Variants in ABCA3 observed in about 807,000 individuals in gnomAD.
The protein encoded by ABCA3 is phospholipid-transporting ATPase ABCA3.
Under a neutral mutation model 172.8 loss-of-function variants are expected in ABCA3, and 88 were observed. The ratio of observed to expected loss-of-function variants is 0.51; its 90% CI spans 0.43 to 0.61. The LOEUF is 0.61. ABCA3 is among the 20% of genes least tolerant of loss of function. The probability of loss-of-function intolerance (pLI) is 0.00; values close to 1 mark genes in which losing one functional copy is unlikely to be tolerated. For synonymous variants in ABCA3, 1,066 were observed against 983.8 expected, an observed-to-expected ratio of 1.08 and a Z score of -1.56; for missense variants, 2,164 against 2,301.0, an observed-to-expected ratio of 0.94 and a Z score of 1.22.
intron 8 of ABCA3, among the ~76,000 whole-genome samples, chr16:2,319,243 C>G (rs1049310368): frequency 6.6e-6 from 1 of 152,010 alleles, no homozygotes; most frequent in Non-Finnish European, 1.5e-5. Context: ...CCCAGCACTT[C>G]TGGAGGCCGA....
Position 2,284,996 on chromosome 16 carries a change from C to T in ABCA3, c.3486G>A (p.Val1162=). The T allele has an allele frequency of 6.2e-7, 1 of 1,612,532 alleles. No individual in the cohort carries two copies. The highest frequency in any genetic ancestry group is 8.5e-7 in the Non-Finnish European group (1 of 1,179,752). The change falls in exon 24 of 33, where the codon GTG becomes GTA. Residue 1162 remains valine, a splice_region_variant and synonymous_variant. Coordinates refer to ENST00000301732, the MANE Select transcript of ABCA3 (RefSeq NM_001089.3). This position sits in a 1 kb window ranked among gnomAD's most constrained non-coding sequence, Gnocchi z 5.9. ...SFLIPSLLLL[V]VFKAFDVRAF... is the part of the protein sequence containing the mutation. ...CACGCACGTCGAAGGCCTTAAACAC[C>T]ACCTGCGGCGGCACAGGGAGGCGCT...
rs2093678355 is a variant in ABCA3 at position 2,295,515 on chromosome 16, A to C, written c.2414+75T>G. On this transcript the variant is annotated intron_variant, in intron 18 of 32. Coordinates refer to ENST00000301732, the MANE Select transcript of ABCA3 (RefSeq NM_001089.3). ...GAGAGGGGCAGAGCAGGTGCCTCTG[A>C]GCACAAAGCCCTCATGGCCCATGGG... is the stretch of plus-strand genomic sequence containing the variant. 6.3e-6 allele frequency: 10 copies of C among 1,596,570 alleles called. No homozygotes were observed. In the Admixed American group the frequency reaches 6.7e-5, roughly 11 times the overall value.
Position 2,281,134 on chromosome 16 carries a change from T to C in ABCA3, c.4252A>G (p.Asn1418Asp), listed in dbSNP as rs751926114. The C allele has an allele frequency of 6.2e-7, 1 of 1,613,796 alleles. No individual in the cohort carries two copies. The highest frequency in any genetic ancestry group is 8.5e-7 in the Non-Finnish European group (1 of 1,180,046). Residue 1418 changes from asparagine to aspartate, a missense_variant, in exon 28 of 33, where the codon AAT (asparagine) becomes GAT (aspartate). Transcript: ENST00000301732. This position sits in a 1 kb window ranked among gnomAD's most constrained non-coding sequence, Gnocchi z 4.7. Reference sequence around the variant, plus strand: ...AAAGTCGTGGTCTTCCCGGCTCCATTGAAGCCCAGCAGGCCGAAGCACTCC... The same window carrying C: ...AAAGTCGTGGTCTTCCCGGCTCCATCGAAGCCCAGCAGGCCGAAGCACTCC... ...KGECFGLLGF[N>D]GAGKTTTFKM...
chr16:2,315,003 G>A (rs1473875865), intron 10 of ABCA3, among the ~76,000 whole-genome samples: 4 of 147,010 alleles, frequency 2.7e-5, no homozygotes, highest in African/African-American at 7.6e-5. Context: ...TCAGCCTCCC[G>A]AGTAGCTGGG....
At position 2,284,643 on chromosome 16, in the gene ABCA3, T is replaced by G; in HGVS notation, c.3703+136A>C. 8.1e-7 allele frequency: 1 copy of G among 1,227,328 alleles called. No homozygotes were observed. The highest frequency in any genetic ancestry group is 1.2e-6 in the Non-Finnish European group (1 of 868,886). The allele number at this position is 1,227,328 out of a possible 1,614,324, so 76.0% of individuals were successfully genotyped here. On this transcript the variant is annotated intron_variant, in intron 24 of 32. Transcript: ENST00000301732. The surrounding 1 kb of genome is among the most constrained non-coding windows in gnomAD (Gnocchi z 5.9). ...TCATGGCTAGCCGGGCAGGGCCAGC[T>G]GGGGCAGAGGGGCTGGTGAGCATGA...
chr16:2,288,377 C>A, intron 20 of ABCA3, 48 bp from the exon 21 acceptor site: 1 of 1,523,992 alleles, frequency 6.6e-7, no homozygotes, highest in Admixed American at 2.0e-5. Context: ...TGGGGCCCAG[C>A]GCCTGACCCC....
intron 3 of ABCA3, among the ~76,000 whole-genome samples, chr16:2,327,467 A>G (rs2093736110): frequency 6.6e-6 from 1 of 152,232 alleles, no homozygotes; most frequent in Admixed American, 6.5e-5. Flanking sequence ...CTGAACCCAT[A>G]AAAGAAAACT....
Position 2,326,072 on chromosome 16 carries a change from T to C in ABCA3, c.257A>G (p.His86Arg). 5 of 1,613,528 alleles carry C rather than the reference T, an allele frequency of 3.1e-6. No homozygotes were observed. The highest frequency in any genetic ancestry group is 3.4e-6 in the Non-Finnish European group (4 of 1,179,930). ...AGTGACGGTCTTGGCAGCGTCACTG[T>C]GAGAAGGGATGTAGGCAAGCTCCCA... Reference protein sequence around the residue: ...DTWELAYIPSHSDAAKTVTET... With the variant: ...DTWELAYIPSRSDAAKTVTET... Residue 86 changes from histidine to arginine, a missense_variant, in exon 5 of 33, where the codon CAC becomes CGC. Around this residue, in one of 3 missense-constraint regions of ABCA3, gnomAD observed 1,343 missense variants for 1,369.6 expected, o/e 0.98. Coordinates refer to ENST00000301732, the MANE Select transcript of ABCA3 (RefSeq NM_001089.3).
At position 2,288,341 on chromosome 16, in the gene ABCA3, G is replaced by A. The variant is rs2141698174; in HGVS notation, c.2701-12C>T. ...CAGTGCAGGGCGAGCTGCGGCAGAG[G>A]GGACGCAGGTGACACCGGCACCGCT... On this transcript the variant is annotated splice_polypyrimidine_tract_variant and intron_variant, in intron 20 of 32. Coordinates refer to ENST00000301732, the MANE Select transcript of ABCA3 (RefSeq NM_001089.3). 6.5e-7 allele frequency: 1 copy of A among 1,543,576 alleles called. No homozygotes were observed. The highest frequency in any genetic ancestry group is 8.7e-7 in the Non-Finnish European group (1 of 1,149,130).
chr16:2,312,695 A>AT (rs907789669), intron 10 of ABCA3, among the ~76,000 whole-genome samples: 2 of 151,546 alleles, frequency 1.3e-5, no homozygotes, highest in East Asian at 1.9e-4. Flanking sequence ...CGCCCAGCAA[A>AT]TTTTTTTTGT....
At position 2,283,677 on chromosome 16, in the gene ABCA3, G is replaced by A. The variant is rs761185016; in HGVS notation, c.3863-319C>T. ...CAGGACAGAGACCGTTACAAGCACC[G>A]AGGGGTGTGTGGGAGGCTGAGGAGG... On this transcript the variant is annotated intron_variant, in intron 25 of 32. Transcript: ENST00000301732. This position sits in a 1 kb window ranked among gnomAD's most constrained non-coding sequence, Gnocchi z 5.4. 21 of 386,598 alleles carry A rather than the reference G, an allele frequency of 5.4e-5. No homozygotes were observed. The highest frequency in any genetic ancestry group is 1.0e-4 in the Non-Finnish European group (21 of 205,936). The allele number at this position is 386,598 out of a possible 1,614,324, so 23.9% of individuals were successfully genotyped here.
chr16:2,284,447 G>A lies in ABCA3; in HGVS notation c.3704-10C>T, dbSNP rs1301354874. The A allele has an allele frequency of 6.2e-7, 1 of 1,613,630 alleles. No individual in the cohort carries two copies. Among genetic ancestry groups the A allele is most frequent in the South Asian group, 1.1e-5 (1 of 91,070 alleles). ...TCTTCCAGTTTTACAGCTGCGTTGGGGAGGTAAGATCAGTCTGCGCTGGAG... is the reference window on the plus strand; with the variant it reads ...TCTTCCAGTTTTACAGCTGCGTTGGAGAGGTAAGATCAGTCTGCGCTGGAG... On this transcript the variant is annotated splice_polypyrimidine_tract_variant and intron_variant, in intron 24 of 32. Transcript: ENST00000301732. This position sits in a 1 kb window ranked among gnomAD's most constrained non-coding sequence, Gnocchi z 5.9.
chr16:2,306,221 A>G (rs918398157), intron 11 of ABCA3, among the ~76,000 whole-genome samples: 1 of 152,062 alleles, frequency 6.6e-6, no homozygotes, highest in Non-Finnish European at 1.5e-5. Flanking sequence ...GCTACTCAGG[A>G]GGCTGAGGTG....
intron 17 of ABCA3, among the ~76,000 whole-genome samples, chr16:2,296,205 G>A (rs1868754599): frequency 6.6e-6 from 1 of 151,820 alleles, no homozygotes; most frequent in Admixed American, 6.6e-5. Flanking sequence ...CTTTCCCAAC[G>A]TCACCGTGCA....
intron 10 of ABCA3, among the ~76,000 whole-genome samples, chr16:2,309,206 A>G (rs2093702789): frequency 6.6e-6 from 1 of 152,106 alleles, no homozygotes; most frequent in Non-Finnish European, 1.5e-5. Flanking sequence ...TTGGCCTTCC[A>G]AAGTGCTGGG....
chr16:2,329,953 A>C (rs1157474943), intron 1 of ABCA3, 99 bp from the exon 2 acceptor site: 2 of 152,186 alleles, frequency 1.3e-5, no homozygotes, highest in Non-Finnish European at 2.9e-5. Context: ...GATTTTGAGG[A>C]TGTTACTTAA....
At chr16:2,295,406 T>TGTG (rs2093678125) in intron 18 of ABCA3, among the ~76,000 whole-genome samples, 184 bp downstream of exon 18, 1 of 152,226 alleles carries the variant, frequency 6.6e-6, no homozygotes, top group African/African-American at 2.4e-5. Context: ...CTAGGAGGCC[T>TGTG]GGCACCTAGG....
chr16:2,319,813 A>G lies in ABCA3; in HGVS notation c.641T>C (p.Val214Ala), dbSNP rs767833884. The change falls in exon 8 of 33, where the codon GTG becomes GCG. Residue 214 changes from valine (V) to alanine (A), a missense_variant. Val to Ala is a moderately conservative substitution (Grantham distance 64, BLOSUM62 0). This residue lies in a region of ABCA3 where 1,343 missense variants were observed against 1,369.6 expected (regional missense o/e 0.98). Coordinates refer to ENST00000301732, the MANE Select transcript of ABCA3 (RefSeq NM_001089.3). ...GATGGCCCGGTCCACAGCATGCTGC[A>G]CGGCCAGGAAGCCTTCCCGGATGTA... ...PGYIREGFLA[V>A]QHAVDRAIME... 2 of 1,613,920 alleles carry G rather than the reference A, an allele frequency of 1.2e-6. No homozygotes were observed. Among genetic ancestry groups the G allele is most frequent in the Non-Finnish European group, 1.7e-6 (2 of 1,180,008 alleles).
chr16:2,317,216 G>A lies in ABCA3; in HGVS notation c.1111+67C>T, dbSNP rs1018919511. 8.7e-6 allele frequency: 14 copies of A among 1,605,406 alleles called. No individual in the cohort carries two copies. The Admixed American group carries it at 2.3e-4, about 27-fold the overall frequency. ...CTCTCCCTTCCGATCACAGCCTCTGGGTTATTTCCATGCAGATGGCCCTTG... is the reference window on the plus strand; with the variant it reads ...CTCTCCCTTCCGATCACAGCCTCTGAGTTATTTCCATGCAGATGGCCCTTG... On this transcript the variant is annotated intron_variant, in intron 10 of 32. Transcript: ENST00000301732.
Sources: gnomAD v4.1 joint callset for allele counts (sites outside exome capture counted in the v4.1 genomes callset) on GRCh38, gnomAD v4.1.1 for gene constraint, gnomAD v4.1.1 regional missense constraint, Gnocchi (gnomAD v3.1) non-coding constraint, MANE v1.5 for transcripts, NCBI Gene and HGNC (gene_info 2026-07-23, HGNC 2026-07-21) for gene names.